EYS: variants seen among roughly 807,000 people sequenced by gnomAD.
EYS encodes EGF-like photoreceptor maintenance factor, also known as protein eyes shut homolog.
In EYS, 250 loss-of-function variants were observed where a neutral mutation model predicts 282.1. That is an observed-to-expected ratio of 0.89 (90% CI 0.80 to 0.98). The LOEUF (loss-of-function observed/expected upper bound fraction) is 0.98, where lower values mean the gene tolerates loss of function less well. Ranked by LOEUF, EYS falls within the 50% of genes least tolerant of loss-of-function variation. EYS has a pLI of 0.00. For missense variants in EYS, 4,016 were observed against 3,709.0 expected (o/e 1.08, Z -2.15); for synonymous variants, 1,355 against 1,282.9 (o/e 1.06, Z -1.20).
At chr6:65,155,685 A>AT (rs1764714136) in intron 12 of EYS, among the ~76,000 whole-genome samples, 1 of 151,580 alleles carries the variant, frequency 6.6e-6, no homozygotes, top group Non-Finnish European at 1.5e-5. Flanking sequence ...GACAGCACTC[A>AT]ATATGATTTC....
At chr6:65,157,868 T>C in intron 12 of EYS, among the ~76,000 whole-genome samples, 1 of 150,764 alleles carries the variant, frequency 6.6e-6, no homozygotes, top group East Asian at 2.0e-4. Context: ...TATTTATATG[T>C]CATTAAGGTA....
intron 25 of EYS, among the ~76,000 whole-genome samples, chr6:64,592,572 A>G (rs374349704): frequency 3.9e-5 from 6 of 152,292 alleles, no homozygotes; most frequent in East Asian, 3.9e-4. Flanking sequence ...CCGAAGTGGC[A>G]TTGGCTACAT....
chr6:65,380,465 T>C (rs1765567264), intron 8 of EYS, among the ~76,000 whole-genome samples: 1 of 152,072 alleles, frequency 6.6e-6, no homozygotes, highest in Admixed American at 6.6e-5. Flanking sequence ...TATACAAAAA[T>C]TAACTAAAGG....
intron 31 of EYS, among the ~76,000 whole-genome samples, chr6:64,198,628 C>G (rs751875561): frequency 3.9e-5 from 6 of 152,144 alleles, no homozygotes; most frequent in Non-Finnish European, 7.3e-5. Context: ...TTCCCAGCTT[C>G]ATCCATTTCC....
intron 13 of EYS, among the ~76,000 whole-genome samples, chr6:65,042,271 T>A (rs1045765424): frequency 1.3e-5 from 2 of 151,636 alleles, no homozygotes; most frequent in South Asian, 4.1e-4. Context: ...TTCTTGTAGA[T>A]TGAATAAAGC....
chr6:65,397,008 G>A (rs9342474), intron 7 of EYS, among the ~76,000 whole-genome samples: 30,610 of 151,470 alleles, frequency 0.2, 3,869 homozygotes, highest in Non-Finnish European at 0.27. Context: ...ATAATTGTCT[G>A]TATTTTTATC....
chr6:64,321,756 G>A (rs929041440), intron 29 of EYS, among the ~76,000 whole-genome samples: 2 of 151,804 alleles, frequency 1.3e-5, no homozygotes, highest in African/African-American at 4.8e-5. Context: ...ATGTTTAGTT[G>A]TTATATAGAC....
At chr6:64,221,990 C>G (rs1412318251) in intron 31 of EYS, among the ~76,000 whole-genome samples, 1 of 152,026 alleles carries the variant, frequency 6.6e-6, no homozygotes, top group African/African-American at 2.4e-5. Context: ...GTTTCCATTT[C>G]CTACTTTTAA....
chr6:65,046,911 A>G (rs1221094943), intron 13 of EYS, among the ~76,000 whole-genome samples: 1 of 151,698 alleles, frequency 6.6e-6, no homozygotes, highest in African/African-American at 2.4e-5. Context: ...TTTTGAGTTC[A>G]TGGGAGATCT....
At chr6:63,781,698 G>C (rs960499618) in intron 39 of EYS, among the ~76,000 whole-genome samples, 1 of 152,190 alleles carries the variant, frequency 6.6e-6, no homozygotes. Flanking sequence ...TCTGCAAACA[G>C]GGACAATCTT....
intron 12 of EYS, among the ~76,000 whole-genome samples, chr6:65,168,011 A>G (rs1765016289): frequency 6.6e-6 from 1 of 151,310 alleles, no homozygotes; most frequent in Admixed American, 6.6e-5. Context: ...AACAGAGAGA[A>G]CAGTTATTTT....
intron 22 of EYS, among the ~76,000 whole-genome samples, chr6:64,796,089 A>C (rs1157258230): frequency 1.3e-5 from 2 of 152,166 alleles, no homozygotes; most frequent in African/African-American, 4.8e-5. Flanking sequence ...CAAAATAAAA[A>C]CGCGTACATC....
At chr6:64,247,039 CTAAG>C (rs537737505) in intron 30 of EYS, among the ~76,000 whole-genome samples, 61 of 152,000 alleles carry the variant, frequency 4.0e-4, no homozygotes, top group Middle Eastern at 3.4e-3. Context: ...TATTTTAGGA[CTAAG>C]TGTTTCATGT....
At chr6:64,328,649 C>G (rs1285589274) in intron 29 of EYS, among the ~76,000 whole-genome samples, 1 of 152,136 alleles carries the variant, frequency 6.6e-6, no homozygotes, top group East Asian at 1.9e-4. Flanking sequence ...GTTTTGAAGG[C>G]ACCTAAATAA....
At chr6:64,457,907 T>TC (rs1389704294) in intron 26 of EYS, among the ~76,000 whole-genome samples, 5 of 151,990 alleles carry the variant, frequency 3.3e-5, no homozygotes, top group Non-Finnish European at 7.4e-5. Context: ...TTTCTATAAA[T>TC]CCTTTCTTGT....
intron 12 of EYS, among the ~76,000 whole-genome samples, chr6:65,139,761 T>A (rs1764282838): frequency 6.6e-6 from 1 of 151,978 alleles, no homozygotes; most frequent in African/African-American, 2.4e-5. Flanking sequence ...CTAGTAGGAA[T>A]GTAAACTAGT....
intron 2 of EYS, among the ~76,000 whole-genome samples, chr6:65,579,787 T>G (rs1027836816): frequency 2.0e-5 from 3 of 152,126 alleles, no homozygotes; most frequent in African/African-American, 7.2e-5. Flanking sequence ...GGGTAAATGT[T>G]GCAACATATG....
intron 30 of EYS, among the ~76,000 whole-genome samples, chr6:64,283,023 T>C (rs1255882897): frequency 1.3e-5 from 2 of 152,188 alleles, no homozygotes; most frequent in Non-Finnish European, 2.9e-5. Context: ...AAATCTTTAA[T>C]GTGGCTATAA....
intron 41 of EYS, among the ~76,000 whole-genome samples, chr6:63,758,884 A>G (rs868691092): frequency 2.9e-4 from 44 of 152,174 alleles, no homozygotes; most frequent in Admixed American, 4.6e-4. Context: ...TCAGTTTAAA[A>G]GAAGGTGGGC....
Sources: gnomAD v4.1 joint callset for allele counts (sites outside exome capture counted in the v4.1 genomes callset) on GRCh38, gnomAD v4.1.1 for gene constraint, MANE v1.5 for transcripts, NCBI Gene and HGNC (gene_info 2026-07-23, HGNC 2026-07-21) for gene names.